Variants in HIBADH observed in about 807,000 individuals in gnomAD.
HIBADH encodes the protein 3-hydroxyisobutyrate dehydrogenase, mitochondrial.
Under a neutral mutation model 36.1 loss-of-function variants are expected in HIBADH, and 25 were observed. The ratio of observed to expected loss-of-function variants is 0.69; its 90% CI spans 0.50 to 0.97. The LOEUF is 0.97. Ranked by LOEUF, HIBADH falls within the 50% of genes least tolerant of loss-of-function variation. The pLI is 0.00. For missense variants in HIBADH, 421 were observed against 418.0 expected, an observed-to-expected ratio of 1.01 and a Z score of -0.06; for synonymous variants, 160 against 149.5, an observed-to-expected ratio of 1.07 and a Z score of -0.51.
rs1786352953 is a variant in HIBADH at position 27,658,630 on chromosome 7, T to C, written c.91+4068A>G. 2.0e-5 allele frequency among the ~76,000 whole-genome samples: 3 copies of C among 152,152 alleles called. No homozygotes were observed. In the South Asian group the frequency reaches 6.2e-4, roughly 32 times the overall value. ...GTAATGCATTTTCATTGTAGAAAAC[T>C]AGAATGAAAAAGTATACAGTTGTAA... On this transcript the variant is annotated intron_variant, in intron 1 of 7. Coordinates refer to ENST00000265395, the MANE Select transcript of HIBADH (RefSeq NM_152740.4).
chr7:27,613,594 T>G (rs1029820449), intron 4 of HIBADH, among the ~76,000 whole-genome samples: 5 of 151,856 alleles, frequency 3.3e-5, no homozygotes, highest in Admixed American at 2.6e-4. Context: ...TAAAAGTCCT[T>G]CTGTTGGCCT....
At chr7:27,626,402 G>A (rs1039313234) in intron 4 of HIBADH, among the ~76,000 whole-genome samples, 1 of 152,074 alleles carries the variant, frequency 6.6e-6, no homozygotes, top group African/African-American at 2.4e-5. Flanking sequence ...AAACATAACA[G>A]TTTAAGCATT....
At chr7:27,560,457 C>T (rs558656960) in intron 4 of HIBADH, among the ~76,000 whole-genome samples, 3 of 152,218 alleles carry the variant, frequency 2.0e-5, no homozygotes, top group Non-Finnish European at 4.4e-5. Flanking sequence ...ATTTCATTAA[C>T]TTTTGGGGTA....
At chr7:27,559,214 C>A (rs1021651200) in intron 4 of HIBADH, among the ~76,000 whole-genome samples, 5 of 152,178 alleles carry the variant, frequency 3.3e-5, no homozygotes, top group African/African-American at 9.7e-5. Context: ...ACTTTAACTT[C>A]ATTACCTTTG....
chr7:27,603,653 A>G (rs1354595328), intron 4 of HIBADH, among the ~76,000 whole-genome samples: 1 of 152,176 alleles, frequency 6.6e-6, no homozygotes, highest in Admixed American at 6.5e-5. Context: ...ATTTAAAAAG[A>G]ATTAAATATA....
At chr7:27,560,407 C>T (rs188923548) in intron 4 of HIBADH, among the ~76,000 whole-genome samples, 168 of 152,352 alleles carry the variant, frequency 1.1e-3, no homozygotes, top group African/African-American at 3.9e-3. Flanking sequence ...GTGTGAGCCA[C>T]TGCACTCAGC....
intron 2 of HIBADH, among the ~76,000 whole-genome samples, chr7:27,641,774 C>T (rs190491047): frequency 2.6e-5 from 4 of 152,244 alleles, no homozygotes; most frequent in African/African-American, 9.6e-5. Flanking sequence ...CATTTATCAA[C>T]AAATGCTTTC....
chr7:27,591,617 GAACTTTCATTATTTTGTTT>G (rs1401948196), intron 4 of HIBADH, among the ~76,000 whole-genome samples: 16 of 151,810 alleles, frequency 1.1e-4, no homozygotes, highest in African/African-American at 3.9e-4. Context: ...AAGAGCGTGG[GAACTTTCATTATTTTGTTT>G]AACTTTCATT....
intron 7 of HIBADH, among the ~76,000 whole-genome samples, chr7:27,529,913 A>G (rs1783966578): frequency 6.6e-6 from 1 of 152,212 alleles, no homozygotes; most frequent in Non-Finnish European, 1.5e-5. Flanking sequence ...GTCAATCACC[A>G]TTCATCAACC....
At chr7:27,662,627 C>A (rs553516153) in intron 1 of HIBADH, 71 bp downstream of exon 1, 5 of 1,012,688 alleles carry the variant, frequency 4.9e-6, no homozygotes, top group South Asian at 3.9e-5. Context: ...GAAAAGACTT[C>A]TTCGGCCGTC....
Position 27,645,368 on chromosome 7 carries a change from A to ATGTTTTTTTTTTTTTTTTTT in HIBADH, c.252+4104_252+4105insAAAAAAAAAAAAAAAAAACA, listed in dbSNP as rs1554300959. ...CTAGTGGGTGTGTCTCATGGTTTTGATTTTTTTTTTTTTTTTTTTTTTTTT... is the reference window on the plus strand; with the variant it reads ...CTAGTGGGTGTGTCTCATGGTTTTGATGTTTTTTTTTTTTTTTTTTTTTTTTTTTTTTTTTTTTTTTTTTT... On this transcript the variant is annotated intron_variant, in intron 2 of 7. Coordinates refer to ENST00000265395, the MANE Select transcript of HIBADH (RefSeq NM_152740.4). Among the ~76,000 whole-genome samples the ATGTTTTTTTTTTTTTTTTTT allele has an allele frequency of 3.6e-3, 215 of 59,634 alleles. 57 individuals carry two copies. The highest frequency in any genetic ancestry group is 4.5e-3 in the Non-Finnish European group (144 of 31,782). 39.1% of individuals were successfully genotyped at this position (59,634 alleles called of 152,430 possible).
rs899727952 is a variant in HIBADH, at chr7:27,626,648, A to C, written c.484+2723T>G. Among the ~76,000 whole-genome samples, 8 of 152,308 alleles carry C rather than the reference A, an allele frequency of 5.3e-5. No homozygotes were observed. In the East Asian group the frequency reaches 1.5e-3, roughly 29 times the overall value. Reference sequence around the variant, plus strand: ...TAGGGGGAAACGCTTGACTGAAGAAACCAATTGCTTCTCAAAAATCATTAC... The same window carrying C: ...TAGGGGGAAACGCTTGACTGAAGAACCCAATTGCTTCTCAAAAATCATTAC... On this transcript the variant is annotated intron_variant, in intron 4 of 7. Coordinates refer to ENST00000265395, the MANE Select transcript of HIBADH (RefSeq NM_152740.4).
intron 4 of HIBADH, among the ~76,000 whole-genome samples, chr7:27,570,817 G>A (rs1163489281): frequency 6.6e-6 from 1 of 150,826 alleles, no homozygotes; most frequent in East Asian, 1.9e-4. Flanking sequence ...GTACTGCGTA[G>A]TTTTACTATC....
intron 5 of HIBADH, among the ~76,000 whole-genome samples, chr7:27,540,744 T>C (rs149253704): frequency 6.6e-5 from 10 of 152,268 alleles, no homozygotes; most frequent in African/African-American, 2.2e-4. Flanking sequence ...GGCGTTATGT[T>C]TAGGGGCAAG....
At chr7:27,615,196 TG>T (rs1205136954) in intron 4 of HIBADH, among the ~76,000 whole-genome samples, 2 of 152,144 alleles carry the variant, frequency 1.3e-5, no homozygotes. Context: ...GAATCCCTTC[TG>T]ATAACTATGA....
At chr7:27,560,044 A>G (rs1784443441) in intron 4 of HIBADH, among the ~76,000 whole-genome samples, 3 of 152,324 alleles carry the variant, frequency 2.0e-5, no homozygotes, top group South Asian at 4.1e-4. Context: ...CCACTATAAG[A>G]CATCCCTGTT....
At chr7:27,528,204 C>A (rs1159261168) in intron 7 of HIBADH, among the ~76,000 whole-genome samples, 2 of 152,058 alleles carry the variant, frequency 1.3e-5, no homozygotes, top group African/African-American at 2.4e-5. Context: ...CTCTCTTACC[C>A]CTCAGGCCTC....
At chr7:27,554,903 T>C (rs1424359378) in intron 4 of HIBADH, among the ~76,000 whole-genome samples, 1 of 152,196 alleles carries the variant, frequency 6.6e-6, no homozygotes, top group Non-Finnish European at 1.5e-5. Flanking sequence ...TGCCAACTCC[T>C]ACAATGAGTT....
intron 4 of HIBADH, among the ~76,000 whole-genome samples, chr7:27,553,270 CAT>C (rs1784343900): frequency 6.6e-6 from 1 of 152,106 alleles, no homozygotes; most frequent in African/African-American, 2.4e-5. Flanking sequence ...CAGCAGAAAA[CAT>C]TAGTTTTCTG....
Sources: allele counts gnomAD v4.1 joint callset (sites outside exome capture counted in the v4.1 genomes callset), GRCh38; gene constraint gnomAD v4.1.1; transcripts MANE v1.5; gene names NCBI Gene and HGNC (gene_info 2026-07-23, HGNC 2026-07-21).